The following PCDHGA11 variants were observed in gnomAD, a reference collection of about 807,000 sequenced individuals.
The protein encoded by PCDHGA11 is protocadherin gamma subfamily A, 11.
Under a neutral mutation model 60.4 loss-of-function variants are expected in PCDHGA11, and 39 were observed. That is an observed-to-expected ratio of 0.65 (90% CI 0.50 to 0.84). The LOEUF is 0.84. Among genes scored for constraint, PCDHGA11 ranks in the 40% least tolerant of loss-of-function variants. The pLI, the probability that PCDHGA11 is intolerant of heterozygous loss-of-function variation, is 0.00. For synonymous variants in PCDHGA11, 533 were observed against 510.3 expected, an observed-to-expected ratio of 1.04 and a Z score of -0.60; for missense variants, 1,165 against 1,197.7, an observed-to-expected ratio of 0.97 and a Z score of 0.40.
Position 141,432,732 on chromosome 5 carries a change from T to G in PCDHGA11, c.2433+9072T>G, listed in dbSNP as rs1300743675. 2.5e-6 allele frequency: 4 copies of G among 1,613,940 alleles called. No individual in the cohort carries two copies. Among genetic ancestry groups the G allele is most frequent in the Non-Finnish European group, 3.4e-6 (4 of 1,179,992 alleles). On this transcript the variant is annotated intron_variant, in intron 1 of 3. Coordinates refer to ENST00000398587, the MANE Select transcript of PCDHGA11 (RefSeq NM_018914.3). This position sits in a 1 kb window ranked among gnomAD's most constrained non-coding sequence, Gnocchi z 6.0. ...GGCCAGCCCCCTCTCTCCGCCACTG[T>G]CACGCTCACCGTGGCCGTGGCCGAC...
intron 1 of PCDHGA11, among the ~76,000 whole-genome samples, chr5:141,448,842 G>A (rs943887884): frequency 6.6e-6 from 1 of 152,182 alleles, no homozygotes; most frequent in Non-Finnish European, 1.5e-5. Context: ...CTACTCTGGA[G>A]GCTGAGGCAG....
At chr5:141,474,461 CTT>C (rs1264129273) in intron 1 of PCDHGA11, among the ~76,000 whole-genome samples, 1 of 152,214 alleles carries the variant, frequency 6.6e-6, no homozygotes, top group East Asian at 1.9e-4. Context: ...GGGCTATACT[CTT>C]TATTCTAAAT....
Position 141,423,529 on chromosome 5 carries a change from C to T in PCDHGA11, c.2302C>T (p.His768Tyr). The change falls in exon 1 of 4, where the codon CAC becomes TAC. Residue 768 changes from histidine (H) to tyrosine (Y), a missense_variant. His to Tyr is a moderately conservative substitution (Grantham distance 83). Transcript: ENST00000398587. ...VSLIADSQKS[H>Y]LIFPQPNYGD... Reference sequence around the variant, plus strand: ...TCTCATTGCGGACTCGCAGAAGAGTCACCTGATTTTCCCCCAGCCCAACTA... The same window carrying T: ...TCTCATTGCGGACTCGCAGAAGAGTTACCTGATTTTCCCCCAGCCCAACTA... 6.2e-7 allele frequency: 1 copy of T among 1,613,754 alleles called. No homozygotes were observed. Among genetic ancestry groups the T allele is most frequent in the South Asian group, 1.1e-5 (1 of 91,064 alleles).
Position 141,427,512 on chromosome 5 carries a change from T to A in PCDHGA11, c.2433+3852T>A, listed in dbSNP as rs1483922394. ...GCTTGTAACAGATGGGACCCTGGATTGGGAGCGGATCCCGGAGTACAACGT... is the reference window on the plus strand; with the variant it reads ...GCTTGTAACAGATGGGACCCTGGATAGGGAGCGGATCCCGGAGTACAACGT... On this transcript the variant is annotated intron_variant, in intron 1 of 3. Transcript: ENST00000398587. 1.2e-5 allele frequency: 7 copies of A among 592,748 alleles called. No homozygotes were observed. The Admixed American group carries it at 1.3e-4, about 11-fold the overall frequency. 36.7% of individuals were successfully genotyped at this position (592,748 alleles called of 1,614,324 possible). A position where few individuals can be genotyped will look rare whatever the true frequency, so the allele number is the denominator to read the frequency against.
intron 2 of PCDHGA11, among the ~76,000 whole-genome samples, chr5:141,503,985 T>C (rs1277024188): frequency 6.6e-6 from 1 of 152,150 alleles, no homozygotes; most frequent in African/African-American, 2.4e-5. Flanking sequence ...ACCCTTCTTC[T>C]TACCTTACAG....
chr5:141,485,497 T>C lies in PCDHGA11; in HGVS notation c.2434-9310T>C, dbSNP rs1594488328. On this transcript the variant is annotated intron_variant, in intron 1 of 3. Coordinates refer to ENST00000398587, the MANE Select transcript of PCDHGA11 (RefSeq NM_018914.3). The surrounding 1 kb of genome is among the most constrained non-coding windows in gnomAD (Gnocchi z 5.7). ...CCAGCTGCATCGTGCCCCTGGAGTT[T>C]GTCACCGAAGGTCCTTTGGAAATGT... 6.2e-7 allele frequency: 1 copy of C among 1,614,112 alleles called. No homozygotes were observed. The highest frequency in any genetic ancestry group is 1.3e-5 in the African/African-American group (1 of 74,998).
rs1365715281 is a variant in PCDHGA11 at position 141,423,557 on chromosome 5, G to A, written c.2330G>A (p.Gly777Glu). Residue 777 changes from glycine (G) to glutamate (E), a missense_variant, in exon 1 of 4, where the codon GGG becomes GAG. Coordinates refer to ENST00000398587, the MANE Select transcript of PCDHGA11 (RefSeq NM_018914.3). ...CTGATTTTCCCCCAGCCCAACTATG[G>A]GGACACGCTCATCAGCCAGGAGAGC... ...SHLIFPQPNYGDTLISQESCE... is the reference protein window; with the variant it reads ...SHLIFPQPNYEDTLISQESCE... 2.5e-6 allele frequency: 4 copies of A among 1,613,536 alleles called. No homozygotes were observed. The highest frequency in any genetic ancestry group is 2.2e-5 in the East Asian group (1 of 44,892).
chr5:141,498,971 G>GGGAAGGAAGGAAGGAAGGAA (rs201769957), intron 2 of PCDHGA11, among the ~76,000 whole-genome samples: 36 of 111,052 alleles, frequency 3.2e-4, no homozygotes, highest in African/African-American at 9.0e-4. Context: ...GAGGGAGGGA[G>GGGAAGGAAGGAAGGAAGGAA]GGAAGGAAGG....
rs1347619382 is a variant in PCDHGA11 at position 141,423,447 on chromosome 5, T to C, written c.2220T>C (p.His740=). 6.2e-7 allele frequency: 1 copy of C among 1,613,880 alleles called. No homozygotes were observed. Among genetic ancestry groups the C allele is most frequent in the Admixed American group, 1.7e-5 (1 of 60,006 alleles). The change falls in exon 1 of 4, where the codon CAT becomes CAC. Residue 740 remains histidine (H), a synonymous_variant. Coordinates refer to ENST00000398587, the MANE Select transcript of PCDHGA11 (RefSeq NM_018914.3). ...EGGLAGMPTS[H]FVGVDGVQAF... ...GGTTGGCAGGTATGCCCACGTCACA[T>C]TTTGTAGGCGTGGACGGGGTACAGG...
chr5:141,485,033 T>C lies in PCDHGA11; in HGVS notation c.2434-9774T>C. 1 of 689,352 alleles carries C rather than the reference T, an allele frequency of 1.5e-6. No homozygotes were observed. The highest frequency in any genetic ancestry group is 2.5e-6 in the Non-Finnish European group (1 of 392,590). The allele number at this position is 689,352 out of a possible 1,614,324, so 42.7% of individuals were successfully genotyped here. On this transcript the variant is annotated intron_variant, in intron 1 of 3. Coordinates refer to ENST00000398587, the MANE Select transcript of PCDHGA11 (RefSeq NM_018914.3). This position sits in a 1 kb window ranked among gnomAD's most constrained non-coding sequence, Gnocchi z 5.7. ...CCCCGCCACCAGCAAAAACGGCGCG[T>C]AACCCTTGCGGCGCCGGCCGAACCG...
intron 1 of PCDHGA11, chr5:141,478,544 C>G (rs1371505487): frequency 6.2e-7 from 1 of 1,605,660 alleles, no homozygotes; most frequent in Admixed American, 1.7e-5. Flanking sequence ...CCCTCCCGGA[C>G]AGGTAAGGTT....
Position 141,485,444 on chromosome 5 carries a change from G to T in PCDHGA11, c.2434-9363G>T. 1 of 1,614,108 alleles carries T rather than the reference G, an allele frequency of 6.2e-7. No homozygotes were observed. The highest frequency in any genetic ancestry group is 8.5e-7 in the Non-Finnish European group (1 of 1,180,020). ...AGCCCTGCTCATCAAGAACCCAATC[G>T]ACCGAGAGGCACTGTGTGGGCTCAG... is the stretch of plus-strand genomic sequence containing the variant. On this transcript the variant is annotated intron_variant, in intron 1 of 3. Coordinates refer to ENST00000398587, the MANE Select transcript of PCDHGA11 (RefSeq NM_018914.3). This position sits in a 1 kb window ranked among gnomAD's most constrained non-coding sequence, Gnocchi z 5.7.
chr5:141,478,337 T>C (rs766980546), intron 1 of PCDHGA11: 1 of 1,613,942 alleles, frequency 6.2e-7, no homozygotes, highest in Non-Finnish European at 8.5e-7. Context: ...ACCAGGGCCC[T>C]CCTTGCACGC....
chr5:141,437,385 C>T (rs543945898), intron 1 of PCDHGA11, among the ~76,000 whole-genome samples: 12 of 152,202 alleles, frequency 7.9e-5, no homozygotes, highest in Non-Finnish European at 1.6e-4. Flanking sequence ...AGAAGACATT[C>T]ATCCACTGCT....
intron 1 of PCDHGA11, among the ~76,000 whole-genome samples, chr5:141,430,341 C>T (rs766664177): frequency 1.4e-4 from 21 of 149,938 alleles, no homozygotes; most frequent in Non-Finnish European, 2.8e-4. Context: ...TAGAAACTTC[C>T]AATTCATTTA....
chr5:141,511,267 C>A lies in PCDHGA11; in HGVS notation c.*94C>A, dbSNP rs1223074819. The A allele has an allele frequency of 6.5e-7, 1 of 1,549,404 alleles. No individual in the cohort carries two copies. Among genetic ancestry groups the A allele is most frequent in the Non-Finnish European group, 8.7e-7 (1 of 1,146,836 alleles). Reference sequence around the variant, plus strand: ...CCAGGCCTCAGAGTTTCAGGGCTAACCCCCAGAATACTGGTAGGGGCCAAG... The same window carrying A: ...CCAGGCCTCAGAGTTTCAGGGCTAAACCCCAGAATACTGGTAGGGGCCAAG... On this transcript the variant is annotated 3_prime_UTR_variant, in exon 4 of 4. Coordinates refer to ENST00000398587, the MANE Select transcript of PCDHGA11 (RefSeq NM_018914.3).
chr5:141,455,314 T>G (rs565911988), intron 1 of PCDHGA11, among the ~76,000 whole-genome samples: 15 of 152,208 alleles, frequency 9.9e-5, no homozygotes, highest in African/African-American at 3.4e-4. Flanking sequence ...ATTAGCAATT[T>G]TGTGTGTGTG....
intron 1 of PCDHGA11, among the ~76,000 whole-genome samples, chr5:141,438,629 TATATATACACACAC>T (rs1468553117): frequency 3.8e-3 from 181 of 48,054 alleles, no homozygotes; most frequent in Non-Finnish European, 5.4e-3. Flanking sequence ...TATATATATA[TATATATACACACAC>T]ACACACACAT....
chr5:141,492,320 G>T (rs1001784912), intron 1 of PCDHGA11, among the ~76,000 whole-genome samples: 1 of 152,206 alleles, frequency 6.6e-6, no homozygotes, highest in Non-Finnish European at 1.5e-5. Context: ...CTCCTCGCAC[G>T]TGGGCTTACG....
Sources: gnomAD v4.1 joint callset for allele counts (sites outside exome capture counted in the v4.1 genomes callset) on GRCh38, gnomAD v4.1.1 for gene constraint, Gnocchi (gnomAD v3.1) non-coding constraint, MANE v1.5 for transcripts, NCBI Gene and HGNC (gene_info 2026-07-23, HGNC 2026-07-21) for gene names.